The following SEMA4B variants were observed in gnomAD, a reference collection of about 807,000 sequenced individuals.
The protein encoded by SEMA4B is semaphorin-4B.
A neutral mutation model predicts 88.1 loss-of-function variants in SEMA4B; 55 were observed. That is an observed-to-expected ratio of 0.62 (90% CI 0.50 to 0.78). The LOEUF (loss-of-function observed/expected upper bound fraction) is 0.78, where lower values mean the gene tolerates loss of function less well. SEMA4B is among the 30% of genes least tolerant of loss of function. The pLI is 0.00. For missense variants in SEMA4B, 1,062 were observed against 1,111.9 expected, an observed-to-expected ratio of 0.96 and a Z score of 0.64; for synonymous variants, 525 against 473.6, an observed-to-expected ratio of 1.11 and a Z score of -1.41.
chr15:90,211,343 A>G (rs928129313), intron 1 of SEMA4B, among the ~76,000 whole-genome samples: 4 of 152,176 alleles, frequency 2.6e-5, no homozygotes, highest in African/African-American at 9.7e-5. Flanking sequence ...GGCATGCCCC[A>G]GGAGCACAGA....
intron 1 of SEMA4B, among the ~76,000 whole-genome samples, chr15:90,214,069 C>A (rs754143349): frequency 1.7e-4 from 26 of 152,262 alleles, no homozygotes; most frequent in Non-Finnish European, 3.1e-4. Context: ...CGGCTGGGCG[C>A]GGTGGCTCAG....
chr15:90,204,952 T>G (rs1960921047), intron 1 of SEMA4B, among the ~76,000 whole-genome samples: 1 of 152,102 alleles, frequency 6.6e-6, no homozygotes, highest in South Asian at 2.1e-4. Flanking sequence ...ATTTTTGTAT[T>G]TTTGTAGAGA....
chr15:90,212,205 T>C lies in SEMA4B; in HGVS notation c.158-5234T>C, dbSNP rs1961303322. Among the ~76,000 whole-genome samples, 1 of 151,964 alleles carries C rather than the reference T, an allele frequency of 6.6e-6. No homozygotes were observed. The highest frequency in any genetic ancestry group is 2.1e-4 in the South Asian group (1 of 4,820). ...GGAGTGGGGACCCTGCAGGTGACTC[T>C]TATGTGCCCATTCCATGTGCCGTCT... is the stretch of plus-strand genomic sequence containing the variant. On this transcript the variant is annotated intron_variant, in intron 1 of 13. Coordinates refer to ENST00000411539, the MANE Select transcript of SEMA4B (RefSeq NM_198925.4). This position sits in a 1 kb window ranked among gnomAD's most constrained non-coding sequence, Gnocchi z 4.0.
chr15:90,223,947 T>C lies in SEMA4B; in HGVS notation c.1153T>C (p.Tyr385His). The C allele has an allele frequency of 6.2e-7, 1 of 1,613,608 alleles. No homozygotes were observed. The highest frequency in any genetic ancestry group is 8.5e-7 in the Non-Finnish European group (1 of 1,179,848). Residue 385 changes from tyrosine to histidine, a missense_variant, in exon 9 of 14, where the codon TAC (tyrosine) becomes CAC (histidine). Physicochemically the swap from Tyr to His is moderately conservative, Grantham distance 83. Transcript: ENST00000411539. ...GGTGAACCGTGAGACACAGCAGTGG[T>C]ACACCGTGACCCACCCGGTGCCCAC... is the stretch of plus-strand genomic sequence containing the variant. ...KEVNRETQQW[Y>H]TVTHPVPTPR...
chr15:90,208,409 C>T (rs925333944), intron 1 of SEMA4B, among the ~76,000 whole-genome samples: 1 of 152,122 alleles, frequency 6.6e-6, no homozygotes. Context: ...CTAAGTCTTG[C>T]GTGTGAAAAA....
At chr15:90,221,280 G>A (rs1159697384) in intron 5 of SEMA4B, 87 bp from the exon 6 acceptor site, 5 of 1,259,682 alleles carry the variant, frequency 4.0e-6, no homozygotes, top group Admixed American at 4.1e-5. Context: ...CAGGCAAAAC[G>A]GGCAGTGCTG....
chr15:90,225,873 G>A (rs1343680461), intron 12 of SEMA4B, 46 bp downstream of exon 12: 2 of 1,421,412 alleles, frequency 1.4e-6, no homozygotes, highest in Admixed American at 2.9e-5. Flanking sequence ...GCCCTGCACA[G>A]GTGACCTCGG....
chr15:90,225,108 C>G lies in SEMA4B; in HGVS notation c.1335C>G (p.Arg445=). ...SRMLLLQPQA[R]YQRVAVHRVP... is the part of the protein sequence containing the mutation. ...TGCTGCTGCTGCAGCCCCAGGCTCGCTACCAGCGCGTGGCTGTACACCGCG... is the reference window on the plus strand; with the variant it reads ...TGCTGCTGCTGCAGCCCCAGGCTCGGTACCAGCGCGTGGCTGTACACCGCG... The change falls in exon 10 of 14, where the codon CGC becomes CGG. Residue 445 remains arginine, a synonymous_variant. Coordinates refer to ENST00000411539, the MANE Select transcript of SEMA4B (RefSeq NM_198925.4). 1.2e-6 allele frequency: 2 copies of G among 1,613,716 alleles called. No homozygotes were observed. The highest frequency in any genetic ancestry group is 1.7e-5 in the Admixed American group (1 of 59,994).
upstream of SEMA4B, among the ~76,000 whole-genome samples, chr15:90,200,836 T>C (rs1183915786): frequency 6.6e-6 from 1 of 152,178 alleles, no homozygotes; most frequent in Non-Finnish European, 1.5e-5. Context: ...TGCCCAGCCA[T>C]GACTTGCAGT....
At chr15:90,211,968 C>T (rs900143448) in intron 1 of SEMA4B, among the ~76,000 whole-genome samples, 6 of 152,048 alleles carry the variant, frequency 3.9e-5, no homozygotes, top group African/African-American at 1.4e-4. Flanking sequence ...TGAGTCACAG[C>T]GCTGCTGCAG....
chr15:90,220,712 G>A (rs1184730527), intron 4 of SEMA4B, among the ~76,000 whole-genome samples: 1 of 145,468 alleles, frequency 6.9e-6, no homozygotes, highest in Admixed American at 6.9e-5. Flanking sequence ...CGCCAGGTGG[G>A]TCTGATAATG....
chr15:90,188,564 G>C (rs971807454), intron 1 of SEMA4B, among the ~76,000 whole-genome samples: 1 of 151,968 alleles, frequency 6.6e-6, no homozygotes, highest in Non-Finnish European at 1.5e-5. Flanking sequence ...GGAGGCGGAG[G>C]CTGCAGTGAG....
chr15:90,203,838 G>C (rs1377825690), intron 1 of SEMA4B, among the ~76,000 whole-genome samples: 1 of 152,200 alleles, frequency 6.6e-6, no homozygotes, highest in African/African-American at 2.4e-5. Flanking sequence ...TCTGCCCGGA[G>C]TGGCCCATTT....
chr15:90,223,716 T>C lies in SEMA4B; in HGVS notation c.1019T>C (p.Phe340Ser), dbSNP rs1168417445. 1.2e-6 allele frequency: 2 copies of C among 1,608,828 alleles called. No individual in the cohort carries two copies. The highest frequency in any genetic ancestry group is 1.7e-6 in the Non-Finnish European group (2 of 1,176,222). ...CCCCAGGACTGGCGTGACACCCTTT[T>C]CTATGGGGTCTTCACTTCCCAGTGG... ...PSPQDWRDTL[F>S]YGVFTSQWHR... The change falls in exon 8 of 14, where the codon TTC becomes TCC. Residue 340 changes from phenylalanine (F) to serine (S), a missense_variant. Transcript: ENST00000411539.
At chr15:90,185,206 C>G (rs551878625) in intron 1 of SEMA4B, 4 of 446,874 alleles carry the variant, frequency 9.0e-6, no homozygotes, top group East Asian at 1.5e-4. Flanking sequence ...CCCCTCTCCC[C>G]AGAAGGCGCC....
intron 1 of SEMA4B, chr15:90,217,150 G>T (rs1961568193): frequency 3.5e-6 from 1 of 282,548 alleles, no homozygotes; most frequent in South Asian, 8.8e-5. Context: ...TTTTGACAAG[G>T]TCCCCTCTGG....
chr15:90,221,799 A>G (rs1408816759), intron 7 of SEMA4B, 34 bp downstream of exon 7: 2 of 1,604,838 alleles, frequency 1.2e-6, no homozygotes, highest in Non-Finnish European at 1.7e-6. Flanking sequence ...TGGCCACCCC[A>G]GGGACCTCAA....
chr15:90,214,947 T>G (rs1961459948), intron 1 of SEMA4B: 1 of 1,274,124 alleles, frequency 7.8e-7, no homozygotes, highest in Admixed American at 2.4e-5. Flanking sequence ...GCTGGGGGTA[T>G]GTAAAAACAC....
chr15:90,197,933 T>A (rs1363143249), upstream of SEMA4B, among the ~76,000 whole-genome samples: 1 of 150,560 alleles, frequency 6.6e-6, no homozygotes, highest in East Asian at 1.9e-4. Flanking sequence ...TTAATTAATT[T>A]TTTTTTTTTT....
Sources: gnomAD v4.1 joint callset for allele counts (sites outside exome capture counted in the v4.1 genomes callset) on GRCh38, gnomAD v4.1.1 for gene constraint, Gnocchi (gnomAD v3.1) non-coding constraint, MANE v1.5 for transcripts, NCBI Gene and HGNC (gene_info 2026-07-23, HGNC 2026-07-21) for gene names.